MRTFA: variants seen among roughly 807,000 people sequenced by gnomAD.
MRTFA encodes the protein myocardin related transcription factor A.
Under a neutral mutation model 83.5 loss-of-function variants are expected in MRTFA, and 20 were observed. That is an observed-to-expected ratio of 0.24 (90% CI 0.17 to 0.35). The LOEUF (loss-of-function observed/expected upper bound fraction) is 0.35. Ranked by LOEUF, MRTFA falls within the 10% of genes least tolerant of loss-of-function variation. The pLI is 1.00. For missense variants in MRTFA, 1,200 were observed against 1,224.7 expected, an observed-to-expected ratio of 0.98 and a Z score of 0.30; for synonymous variants, 659 against 541.2, an observed-to-expected ratio of 1.22 and a Z score of -3.02.
rs150459107 is a variant in MRTFA, at chr22:40,419,067, G to C, written c.1671C>G (p.Pro557=). 9.9e-5 allele frequency: 160 copies of C among 1,609,070 alleles called. No individual in the cohort carries two copies. The highest frequency in any genetic ancestry group is 1.3e-4 in the Non-Finnish European group (154 of 1,178,366). The change falls in exon 12 of 15, where the codon CCC becomes CCG. Residue 557 remains proline (P), a synonymous_variant. Transcript: ENST00000355630. ...CCGTGCTGAGCAGTGAGCGCTCCGA[G>C]GGGGTGGGAGACACGGGGGGCGTGG...
intron 3 of MRTFA, among the ~76,000 whole-genome samples, chr22:40,513,035 GAAGA>G (rs754896249): frequency 1.3e-5 from 2 of 152,132 alleles, no homozygotes; most frequent in Non-Finnish European, 2.9e-5. Flanking sequence ...AAAATAATTA[GAAGA>G]AAGGAAAGTT....
Position 40,410,827 on chromosome 22 carries a change from TAC to T in MRTFA, c.*561_*562del, listed in dbSNP as rs1413580334. The T allele has an allele frequency of 4.3e-6, 1 of 232,706 alleles. No individual in the cohort carries two copies. The highest frequency in any genetic ancestry group is 2.2e-5 in the African/African-American group (1 of 45,200). 14.4% of individuals were successfully genotyped at this position (232,706 alleles called of 1,614,324 possible). ...TGTCGATATATAATATAGAGGTATA[TAC>T]ACCTGTACATAAAATTGTTGCCACC... is the stretch of plus-strand genomic sequence containing the variant. On this transcript the variant is annotated 3_prime_UTR_variant, in exon 15 of 15. Transcript: ENST00000355630.
In MRTFA at chr22:40,411,837, A is replaced by G; in HGVS notation, c.2649T>C (p.Cys883=). ...ATGGCTGTGCTGCCAGGGGGGACCC[A>G]CAGACTGTCTTCGGGGATGGCTTCT... The change falls in exon 15 of 15, where the codon TGT becomes TGC. Residue 883 remains cysteine, a synonymous_variant. Transcript: ENST00000355630. 1 of 1,508,906 alleles carries G rather than the reference A, an allele frequency of 6.6e-7. No homozygotes were observed. The highest frequency in any genetic ancestry group is 1.3e-5 in the South Asian group (1 of 74,430). 93.5% of individuals were successfully genotyped at this position (1,508,906 alleles called of 1,614,324 possible).
At chr22:40,488,937 A>G (rs1281647708) in intron 3 of MRTFA, among the ~76,000 whole-genome samples, 1 of 152,192 alleles carries the variant, frequency 6.6e-6, no homozygotes, top group African/African-American at 2.4e-5. Context: ...ATCAATACCA[A>G]TACTGATTGA....
At chr22:40,511,183 A>C (rs1365670741) in intron 3 of MRTFA, among the ~76,000 whole-genome samples, 2 of 152,206 alleles carry the variant, frequency 1.3e-5, no homozygotes, top group Non-Finnish European at 2.9e-5. Flanking sequence ...AATGCTGACA[A>C]TATGATATAG....
At chr22:40,479,101 T>C (rs1164506506) in intron 3 of MRTFA, among the ~76,000 whole-genome samples, 1 of 152,096 alleles carries the variant, frequency 6.6e-6, no homozygotes, top group Non-Finnish European at 1.5e-5. Flanking sequence ...GCCTGTAAAG[T>C]TGAGCTGCTG....
chr22:40,543,304 C>A (rs1430752314), intron 3 of MRTFA, among the ~76,000 whole-genome samples: 1 of 152,112 alleles, frequency 6.6e-6, no homozygotes. Context: ...TCTTGTGCAA[C>A]ATTGTGGCAT....
chr22:40,525,058 C>G (rs2054943057), intron 3 of MRTFA, among the ~76,000 whole-genome samples: 1 of 152,072 alleles, frequency 6.6e-6, no homozygotes, highest in African/African-American at 2.4e-5. Flanking sequence ...GATCCGCCCG[C>G]CCCAGCCTCC....
At chr22:40,481,921 G>C (rs143121016) in intron 3 of MRTFA, among the ~76,000 whole-genome samples, 1 of 152,104 alleles carries the variant, frequency 6.6e-6, no homozygotes, top group Non-Finnish European at 1.5e-5. Flanking sequence ...TTGGCTGGGC[G>C]TGGTGGTGGG....
intron 3 of MRTFA, among the ~76,000 whole-genome samples, chr22:40,504,074 A>G (rs557045232): frequency 6.6e-6 from 1 of 152,334 alleles, no homozygotes; most frequent in East Asian, 1.9e-4. Context: ...TGAACTGAGG[A>G]TGATGAGCCT....
chr22:40,457,803 G>T (rs953128598), intron 4 of MRTFA, among the ~76,000 whole-genome samples: 2 of 152,124 alleles, frequency 1.3e-5, no homozygotes, highest in Admixed American at 1.3e-4. Context: ...TTATTTCAAG[G>T]ATTCTCAATT....
At chr22:40,585,702 A>T (rs1304704698) in intron 2 of MRTFA, among the ~76,000 whole-genome samples, 1 of 152,202 alleles carries the variant, frequency 6.6e-6, no homozygotes. Flanking sequence ...AGGGGATGAG[A>T]GTTAGCAGAG....
chr22:40,423,446 C>T (rs1161933346), intron 9 of MRTFA, 90 bp downstream of exon 9: 1 of 1,231,808 alleles, frequency 8.1e-7, no homozygotes, highest in African/African-American at 1.5e-5. Context: ...ACCACACCCT[C>T]TACAGCTGTC....
At position 40,537,034 on chromosome 22, in the gene MRTFA, C is replaced by CCCGGCCAGCCGCCCCGT. The variant is rs1428749186; in HGVS notation, c.241+15055_241+15071dup. Among the ~76,000 whole-genome samples, 159 of 56,146 alleles carry CCCGGCCAGCCGCCCCGT rather than the reference C, an allele frequency of 2.8e-3. 3 individuals are homozygous for CCCGGCCAGCCGCCCCGT. The highest frequency in any genetic ancestry group is 0.012 in the African/African-American group (153 of 12,772). 36.8% of individuals were successfully genotyped at this position (56,146 alleles called of 152,430 possible). A position where few individuals can be genotyped will look rare whatever the true frequency, so the allele number is the denominator to read the frequency against. ...AGGTGGGGGGGGGTCAGCCCCCCCG[C>CCCGGCCAGCCGCCCCGT]CCGGCCAGCCGCCCCGTCCGGGAGG... On this transcript the variant is annotated intron_variant, in intron 3 of 14. Transcript: ENST00000355630.
At chr22:40,541,752 C>T (rs962817207) in intron 3 of MRTFA, among the ~76,000 whole-genome samples, 1 of 149,300 alleles carries the variant, frequency 6.7e-6, no homozygotes, top group Non-Finnish European at 1.5e-5. Context: ...CTGTAATCTC[C>T]GCCTCCCGGG....
At chr22:40,535,085 G>A (rs2147281866) in intron 3 of MRTFA, among the ~76,000 whole-genome samples, 1 of 152,236 alleles carries the variant, frequency 6.6e-6, no homozygotes, top group East Asian at 1.9e-4. Flanking sequence ...ATAGAACTGT[G>A]GGAATGACTC....
intron 1 of MRTFA, among the ~76,000 whole-genome samples, chr22:40,624,307 T>C (rs1325105238): frequency 1.3e-5 from 2 of 150,056 alleles, no homozygotes; most frequent in African/African-American, 4.9e-5. Context: ...ACGCCTGTAA[T>C]CCCGGCTTCT....
intron 4 of MRTFA, among the ~76,000 whole-genome samples, chr22:40,436,957 G>C (rs1223249471): frequency 6.6e-6 from 1 of 152,060 alleles, no homozygotes; most frequent in African/African-American, 2.4e-5. Context: ...CGGGGGGCTG[G>C]GCCTCAGCAA....
At chr22:40,491,176 T>C (rs1354998726) in intron 3 of MRTFA, among the ~76,000 whole-genome samples, 2 of 152,114 alleles carry the variant, frequency 1.3e-5, no homozygotes, top group African/African-American at 4.8e-5. Flanking sequence ...ACCCCATCTC[T>C]ACAAAAAATA....
Sources: gnomAD v4.1 joint callset for allele counts (sites outside exome capture counted in the v4.1 genomes callset) on GRCh38, gnomAD v4.1.1 for gene constraint, MANE v1.5 for transcripts, NCBI Gene and HGNC (gene_info 2026-07-23, HGNC 2026-07-21) for gene names.